Variants in TSHZ3 observed in about 807,000 individuals in gnomAD.
TSHZ3 encodes teashirt homolog 3.
TSHZ3 carries 10 observed loss-of-function variants against 64.5 expected under a neutral mutation model. The observed-to-expected ratio is 0.16, with a 90% CI of 0.10 to 0.26. TSHZ3 has a LOEUF of 0.26. Among genes scored for constraint, TSHZ3 ranks in the 10% least tolerant of loss-of-function variants. The pLI is 1.00. For missense variants in TSHZ3, 1,242 were observed against 1,421.7 expected, an observed-to-expected ratio of 0.87 and a Z score of 2.03; for synonymous variants, 608 against 593.1, an observed-to-expected ratio of 1.03 and a Z score of -0.36.
intron 1 of TSHZ3, among the ~76,000 whole-genome samples, chr19:31,243,620 A>AG (rs1260723699): frequency 5.3e-5 from 8 of 151,996 alleles, no homozygotes; most frequent in Non-Finnish European, 8.8e-5. Flanking sequence ...GCAGAAGCAG[A>AG]GGGGGTGGGG....
chr19:31,240,624 T>A (rs1329809461), intron 3 of TSHZ3, among the ~76,000 whole-genome samples: 1 of 152,186 alleles, frequency 6.6e-6, no homozygotes, highest in East Asian at 1.9e-4. Flanking sequence ...TATGAAATAA[T>A]CTTGGGGACA....
At chr19:31,162,516 T>C (rs1279492303) in intron 5 of TSHZ3, among the ~76,000 whole-genome samples, 3 of 151,994 alleles carry the variant, frequency 2.0e-5, no homozygotes, top group Non-Finnish European at 4.4e-5. Context: ...CTTTCTTGGA[T>C]TTTCCTGGGG....
chr19:31,189,847 T>C (rs1412259071), intron 5 of TSHZ3, among the ~76,000 whole-genome samples: 1 of 152,178 alleles, frequency 6.6e-6, no homozygotes, highest in Admixed American at 6.5e-5. Context: ...TATTTCTCTT[T>C]TTAGTTCCTT....
intron 1 of TSHZ3, among the ~76,000 whole-genome samples, chr19:31,300,895 T>G (rs1288014647): frequency 2.0e-5 from 3 of 152,116 alleles, no homozygotes; most frequent in Admixed American, 6.5e-5. Flanking sequence ...TGCGGAGCAC[T>G]GACAATACCG....
chr19:31,305,930 G>C (rs1013096839), intron 1 of TSHZ3, among the ~76,000 whole-genome samples: 1 of 151,960 alleles, frequency 6.6e-6, no homozygotes, highest in Non-Finnish European at 1.5e-5. Flanking sequence ...TAAATATCTT[G>C]TGATGCATCT....
rs754020316 is a variant in TSHZ3, at chr19:31,276,870, C to T, written c.2923G>A (p.Val975Ile). 76 of 1,614,058 alleles carry T rather than the reference C, an allele frequency of 4.7e-5. No individual in the cohort carries two copies. Among genetic ancestry groups the T allele is most frequent in the African/African-American group, 9.3e-5 (7 of 74,908 alleles). ...FLKNLDTGHP[V>I]FFCNDCASQI... ...GACGCACAATCGTTACAAAAGAAGACGGGGTGGCCAGTGTCCAAGTTTTTG... is the reference window on the plus strand; with the variant it reads ...GACGCACAATCGTTACAAAAGAAGATGGGGTGGCCAGTGTCCAAGTTTTTG... The change falls in exon 2 of 2, where the codon GTC becomes ATC. Residue 975 changes from valine to isoleucine, a missense_variant. This residue lies in a region of TSHZ3 where 126 missense variants were observed against 140.6 expected (regional missense o/e 0.90). Coordinates refer to ENST00000240587, the MANE Select transcript of TSHZ3 (RefSeq NM_020856.4).
chr19:31,162,440 C>G lies in TSHZ3; in HGVS notation n.810-6023G>C, dbSNP rs528389700. ...AGAGGAGGGGGAAATTATTTCCTGG[C>G]CCGCCCAAATTTGTTTCAGACACTT... On this transcript the variant is annotated intron_variant and non_coding_transcript_variant, in intron 5 of 6. Transcript: ENST00000651361. 9.2e-5 allele frequency among the ~76,000 whole-genome samples: 14 copies of G among 152,126 alleles called. No individual in the cohort carries two copies. In the South Asian group the frequency reaches 2.9e-3, roughly 32 times the overall value.
At chr19:31,197,230 A>G (rs993295653) in intron 5 of TSHZ3, among the ~76,000 whole-genome samples, 2 of 151,982 alleles carry the variant, frequency 1.3e-5, no homozygotes, top group African/African-American at 4.8e-5. Context: ...AATAAATATC[A>G]AGAGAAATTT....
In TSHZ3 at chr19:31,304,041, C is replaced by A. The variant is rs543071578; in HGVS notation, c.41-24289G>T. Among the ~76,000 whole-genome samples, 3 of 151,506 alleles carry A rather than the reference C, an allele frequency of 2.0e-5. No homozygotes were observed. The East Asian group carries it at 5.8e-4, about 30-fold the overall frequency. ...CCAGCCTGGAGTGCAATAGTGCCAT[C>A]TTGGCTCACTGCAACCTCCGCCTCC... On this transcript the variant is annotated intron_variant, in intron 1 of 1. Transcript: ENST00000240587.
At chr19:31,262,904 G>T (rs570964584) in intron 1 of TSHZ3, among the ~76,000 whole-genome samples, 121 of 152,346 alleles carry the variant, frequency 7.9e-4, no homozygotes, top group Non-Finnish European at 1.4e-3. Flanking sequence ...ACTCGGACAA[G>T]AGCTGATGGA....
At chr19:31,213,782 G>A (rs556857687) in intron 4 of TSHZ3, among the ~76,000 whole-genome samples, 2 of 152,302 alleles carry the variant, frequency 1.3e-5, no homozygotes, top group African/African-American at 2.4e-5. Context: ...AGGAATGAGC[G>A]TGCTGGCACT....
At chr19:31,256,846 C>T (rs1225479361) in intron 1 of TSHZ3, among the ~76,000 whole-genome samples, 1 of 152,156 alleles carries the variant, frequency 6.6e-6, no homozygotes, top group Admixed American at 6.5e-5. Context: ...CCTCTGTGTT[C>T]CCTGTCTCGA....
chr19:31,208,470 A>C (rs916331350), intron 4 of TSHZ3, among the ~76,000 whole-genome samples: 4 of 152,226 alleles, frequency 2.6e-5, no homozygotes, highest in African/African-American at 9.6e-5. Context: ...GACTGTATAC[A>C]TGGAAAAGGG....
At chr19:31,304,949 G>A (rs981514293) in intron 1 of TSHZ3, among the ~76,000 whole-genome samples, 3 of 152,150 alleles carry the variant, frequency 2.0e-5, no homozygotes, top group African/African-American at 7.2e-5. Context: ...CTTTGCAGAC[G>A]CAGTAATTTA....
chr19:31,198,497 G>A (rs1047774421), intron 5 of TSHZ3, among the ~76,000 whole-genome samples: 1 of 151,942 alleles, frequency 6.6e-6, no homozygotes, highest in African/African-American at 2.4e-5. Flanking sequence ...AAATGAAATT[G>A]TCTTTTTCAC....
At chr19:31,162,560 T>G (rs142650941) in intron 5 of TSHZ3, among the ~76,000 whole-genome samples, 4 of 152,302 alleles carry the variant, frequency 2.6e-5, no homozygotes, top group Non-Finnish European at 5.9e-5. Flanking sequence ...CTCTTTCCTT[T>G]TCCACCTCAC....
intron 1 of TSHZ3, among the ~76,000 whole-genome samples, chr19:31,280,984 AG>A (rs1274820339): frequency 6.6e-6 from 1 of 152,198 alleles, no homozygotes; most frequent in Non-Finnish European, 1.5e-5. Flanking sequence ...CCCTGTGGCT[AG>A]GAACAATTTC....
At chr19:31,254,833 C>G (rs1439758404) in intron 1 of TSHZ3, among the ~76,000 whole-genome samples, 2 of 152,068 alleles carry the variant, frequency 1.3e-5, no homozygotes, top group Non-Finnish European at 2.9e-5. Flanking sequence ...TTAGTCATTC[C>G]CCGGGGTGCC....
chr19:31,150,926 A>G (rs1974230076), exon 7 of TSHZ3, among the ~76,000 whole-genome samples: 1 of 152,124 alleles, frequency 6.6e-6, no homozygotes, highest in Admixed American at 6.5e-5. Context: ...AAGGCAACAG[A>G]GGCCACCAAG....
Sources: allele counts gnomAD v4.1 joint callset (sites outside exome capture counted in the v4.1 genomes callset), GRCh38; gene constraint gnomAD v4.1.1; regional missense constraint gnomAD v4.1.1; transcripts MANE v1.5; gene names NCBI Gene and HGNC (gene_info 2026-07-23, HGNC 2026-07-21).